The following RNF38 variants were observed in gnomAD, a reference collection of about 807,000 sequenced individuals.
The protein encoded by RNF38 is ring finger protein 38, also known as E3 ubiquitin-protein ligase RNF38.
A neutral mutation model predicts 67.2 loss-of-function variants in RNF38; 15 were observed. The ratio of observed to expected loss-of-function variants is 0.22; its 90% CI spans 0.15 to 0.34. The LOEUF is 0.34. Ranked by LOEUF, RNF38 falls within the 10% of genes least tolerant of loss-of-function variation. The pLI, the probability that RNF38 is intolerant of heterozygous loss-of-function variation, is 1.00. For synonymous variants in RNF38, 220 were observed against 218.8 expected, an observed-to-expected ratio of 1.01 and a Z score of -0.05; for missense variants, 524 against 639.9, an observed-to-expected ratio of 0.82 and a Z score of 1.95.
At chr9:36,357,700 C>G in intron 5 of RNF38, 75 bp downstream of exon 5, 1 of 1,184,442 alleles carries the variant, frequency 8.4e-7, no homozygotes, top group East Asian at 2.4e-5. Flanking sequence ...GGGTAAGAGT[C>G]GGGAAGTTAC....
chr9:36,360,315 C>G (rs1232719954), intron 4 of RNF38, among the ~76,000 whole-genome samples: 1 of 152,078 alleles, frequency 6.6e-6, no homozygotes, highest in African/African-American at 2.4e-5. Flanking sequence ...TAATTTTTAT[C>G]TATATTATCT....
chr9:36,364,516 T>C lies in RNF38; in HGVS notation c.570+5203A>G, dbSNP rs141826141. Among the ~76,000 whole-genome samples, 1,053 of 152,314 alleles carry C rather than the reference T, an allele frequency of 6.9e-3. 14 individuals are homozygous for C. Among genetic ancestry groups the C allele is most frequent in the African/African-American group, 0.024 (988 of 41,562 alleles). ...ATAAACTTACGAGACCACTGTTGTA[T>C]ATGTGGTCTGTTGGTCAAACGTTAT... On this transcript the variant is annotated intron_variant, in intron 4 of 11. Coordinates refer to ENST00000259605, the MANE Select transcript of RNF38 (RefSeq NM_022781.5).
chr9:36,457,058 A>G (rs947745680), intron 1 of RNF38, among the ~76,000 whole-genome samples: 9 of 152,142 alleles, frequency 5.9e-5, no homozygotes, highest in African/African-American at 1.2e-4. Context: ...GCAATAAAGT[A>G]TAAACTAATT....
chr9:36,338,311 A>T lies in RNF38; in HGVS notation c.*1441T>A, dbSNP rs903001941. ...AGGTCAACTCCTGTTTAACAGCATTATTTTTTTATACAAAAACCAAATCTT... is the reference window on the plus strand; with the variant it reads ...AGGTCAACTCCTGTTTAACAGCATTTTTTTTTTATACAAAAACCAAATCTT... On this transcript the variant is annotated 3_prime_UTR_variant, in exon 12 of 12. Coordinates refer to ENST00000259605, the MANE Select transcript of RNF38 (RefSeq NM_022781.5). The T allele has an allele frequency of 6.6e-6, 1 of 152,206 alleles. No individual in the cohort carries two copies. Among genetic ancestry groups the T allele is most frequent in the Non-Finnish European group, 1.5e-5 (1 of 68,026 alleles). 9.4% of individuals were successfully genotyped at this position (152,206 alleles called of 1,614,324 possible).
intron 1 of RNF38, among the ~76,000 whole-genome samples, chr9:36,396,984 A>G (rs2134096787): frequency 6.9e-6 from 1 of 145,552 alleles, no homozygotes; most frequent in Non-Finnish European, 1.5e-5. Flanking sequence ...TTCTCTCACT[A>G]CACAACGGTC....
intron 1 of RNF38, among the ~76,000 whole-genome samples, chr9:36,398,307 A>T (rs992453036): frequency 6.6e-6 from 1 of 152,124 alleles, no homozygotes; most frequent in African/African-American, 2.4e-5. Context: ...CATGGCAAAC[A>T]CCTGTAGTCC....
intron 1 of RNF38, among the ~76,000 whole-genome samples, chr9:36,435,155 A>G (rs922243623): frequency 2.0e-5 from 3 of 152,334 alleles, no homozygotes; most frequent in East Asian, 3.9e-4. Flanking sequence ...CACTGTCTCT[A>G]TAAGTCTAGG....
At chr9:36,401,005 G>A (rs2134158712), upstream of RNF38, 1 of 984,070 alleles carries the variant, frequency 1.0e-6, no homozygotes, top group African/African-American at 1.8e-5. Flanking sequence ...GCGCGCAGGC[G>A]ACTCCCCTCG....
At chr9:36,443,344 G>T (rs907319670) in intron 1 of RNF38, among the ~76,000 whole-genome samples, 2 of 152,108 alleles carry the variant, frequency 1.3e-5, no homozygotes, top group African/African-American at 4.8e-5. Flanking sequence ...CAGCAAAAAG[G>T]GGTTATAGGG....
intron 1 of RNF38, among the ~76,000 whole-genome samples, chr9:36,483,390 A>AAAAAAG (rs374558911): frequency 6.7e-6 from 1 of 150,108 alleles, no homozygotes; most frequent in African/African-American, 2.5e-5. Flanking sequence ...CTGTCTCAAA[A>AAAAAAG]AAAAAGAAAA....
chr9:36,411,119 G>C (rs568851124), intron 2 of RNF38, among the ~76,000 whole-genome samples: 45 of 144,734 alleles, frequency 3.1e-4, no homozygotes, highest in Non-Finnish European at 6.0e-4. Context: ...CTAGTAAGGG[G>C]TTAATATCCA....
At chr9:36,400,275 A>G (rs1837908450), upstream of RNF38, 4 of 1,335,214 alleles carry the variant, frequency 3.0e-6, no homozygotes, top group Non-Finnish European at 2.9e-6. Flanking sequence ...AGGACGCCAG[A>G]GAGGACCCTT....
At chr9:36,387,746 A>G (rs966968572) in intron 2 of RNF38, among the ~76,000 whole-genome samples, 6 of 152,172 alleles carry the variant, frequency 3.9e-5, no homozygotes, top group African/African-American at 1.4e-4. Context: ...CTACACTTAC[A>G]CCTCTTCTGT....
chr9:36,376,981 G>A (rs1293994606), intron 2 of RNF38, among the ~76,000 whole-genome samples: 1 of 149,678 alleles, frequency 6.7e-6, no homozygotes, highest in Non-Finnish European at 1.5e-5. Context: ...ATGTTAGACA[G>A]ATAAAGAAAT....
At chr9:36,378,645 C>T (rs1347788927) in intron 2 of RNF38, among the ~76,000 whole-genome samples, 1 of 152,138 alleles carries the variant, frequency 6.6e-6, no homozygotes, top group East Asian at 1.9e-4. Flanking sequence ...GCTACAGATA[C>T]TCACGATAAA....
chr9:36,442,528 T>C (rs1240862239), intron 1 of RNF38, among the ~76,000 whole-genome samples: 3 of 152,306 alleles, frequency 2.0e-5, no homozygotes, highest in East Asian at 3.9e-4. Flanking sequence ...ACGCCTGTAA[T>C]CCCAGCACTT....
At chr9:36,481,621 C>G (rs899766088) in intron 1 of RNF38, among the ~76,000 whole-genome samples, 3 of 152,042 alleles carry the variant, frequency 2.0e-5, no homozygotes, top group African/African-American at 7.3e-5. Flanking sequence ...ACTTCCTATC[C>G]CACCACCCTC....
intron 1 of RNF38, among the ~76,000 whole-genome samples, chr9:36,459,053 CA>C (rs1367358928): frequency 3.3e-5 from 5 of 151,892 alleles, no homozygotes; most frequent in Admixed American, 2.0e-4. Flanking sequence ...ACTAAAAATA[CA>C]AAAATTAGGT....
At chr9:36,458,398 C>T (rs545590259) in intron 1 of RNF38, among the ~76,000 whole-genome samples, 13 of 152,316 alleles carry the variant, frequency 8.5e-5, no homozygotes, top group Non-Finnish European at 1.3e-4. Context: ...TCCCCTTCCA[C>T]GCTGTGAAAG....
Sources: gnomAD v4.1 joint callset for allele counts (sites outside exome capture counted in the v4.1 genomes callset) on GRCh38, gnomAD v4.1.1 for gene constraint, MANE v1.5 for transcripts, NCBI Gene and HGNC (gene_info 2026-07-23, HGNC 2026-07-21) for gene names.